Variants in USP20 observed in about 807,000 individuals in gnomAD.
USP20 encodes ubiquitin carboxyl-terminal hydrolase 20.
In USP20, 80 loss-of-function variants were observed where a neutral mutation model predicts 124.2. The ratio of observed to expected loss-of-function variants is 0.64; its 90% CI spans 0.54 to 0.78. The LOEUF (loss-of-function observed/expected upper bound fraction) is 0.78. USP20 is among the 30% of genes least tolerant of loss of function. The pLI is 0.00. For synonymous variants in USP20, 481 were observed against 512.3 expected (o/e 0.94, Z 0.83); for missense variants, 1,043 against 1,244.4 (o/e 0.84, Z 2.44).
At chr9:129,853,139 G>A (rs1264305108) in intron 3 of USP20, among the ~76,000 whole-genome samples, 3 of 151,606 alleles carry the variant, frequency 2.0e-5, no homozygotes, top group Non-Finnish European at 4.4e-5. Context: ...TCACCCCTGT[G>A]CCCACCCTCC....
intron 9 of USP20, among the ~76,000 whole-genome samples, chr9:129,864,120 A>G (rs1441367547): frequency 6.6e-6 from 1 of 151,556 alleles, no homozygotes; most frequent in Admixed American, 6.6e-5. Context: ...AAAAAAAACA[A>G]AAACAAAACA....
At position 129,880,850 on chromosome 9, in the gene USP20, G is replaced by A. The variant is rs2034610218; in HGVS notation, c.*400G>A. On this transcript the variant is annotated 3_prime_UTR_variant, in exon 26 of 26. Coordinates refer to ENST00000372429, the MANE Select transcript of USP20 (RefSeq NM_001110303.4). ...ATTGGCCCGGAGCCCCGAAGACTCG[G>A]AGGGAGCTGCTCAGGGCCGGTGAGC... The A allele has an allele frequency of 6.5e-6, 1 of 154,402 alleles. No individual in the cohort carries two copies. Among genetic ancestry groups the A allele is most frequent in the Non-Finnish European group, 1.4e-5 (1 of 69,222 alleles). 9.6% of individuals were successfully genotyped at this position (154,402 alleles called of 1,614,324 possible).
chr9:129,862,128 T>A lies in USP20; in HGVS notation c.497+516T>A, dbSNP rs2033578265. Among the ~76,000 whole-genome samples, 3 of 33,828 alleles carry A rather than the reference T, an allele frequency of 8.9e-5. No homozygotes were observed. The South Asian group carries it at 4.4e-3, about 50-fold the overall frequency. 22.2% of individuals were successfully genotyped at this position (33,828 alleles called of 152,430 possible). On this transcript the variant is annotated intron_variant, in intron 8 of 25. Transcript: ENST00000372429. ...TCTCCTACCCAGTGGAGGTTAGAGA[T>A]GCAGTATATGTATGCGGGAAGCAGA...
At chr9:129,852,688 T>A (rs982034167) in intron 3 of USP20, 52 bp downstream of exon 3, 30 of 1,516,234 alleles carry the variant, frequency 2.0e-5, no homozygotes, top group African/African-American at 4.1e-5. Flanking sequence ...GCTGCCTCTT[T>A]CCTGGGGTGT....
intron 8 of USP20, among the ~76,000 whole-genome samples, chr9:129,862,110 C>T (rs1327233577): frequency 7.9e-6 from 1 of 125,812 alleles, no homozygotes; most frequent in African/African-American, 2.9e-5. Context: ...GCTTCTCCTA[C>T]CCAGTGGAGG....
At chr9:129,863,811 G>A (rs915456779) in intron 9 of USP20, among the ~76,000 whole-genome samples, 1 of 152,242 alleles carries the variant, frequency 6.6e-6, no homozygotes, top group African/African-American at 2.4e-5. Flanking sequence ...AGAAGCGGAT[G>A]AAAAACCAGC....
chr9:129,854,421 GT>G (rs1187629841), intron 3 of USP20, among the ~76,000 whole-genome samples: 1 of 152,150 alleles, frequency 6.6e-6, no homozygotes, highest in African/African-American at 2.4e-5. Flanking sequence ...GAGGAATGAA[GT>G]CTTCATGTAC....
intron 10 of USP20, among the ~76,000 whole-genome samples, chr9:129,865,675 G>T (rs1458167802): frequency 1.3e-5 from 2 of 152,082 alleles, no homozygotes; most frequent in Admixed American, 1.3e-4. Context: ...TTTTTGTGGG[G>T]GAGGGTGGGT....
intron 9 of USP20, among the ~76,000 whole-genome samples, chr9:129,864,394 GA>G (rs1188909489): frequency 6.7e-6 from 1 of 149,852 alleles, no homozygotes; most frequent in Non-Finnish European, 1.5e-5. Context: ...TTGAGTCCAG[GA>G]AGTTGAGGCA....
intron 5 of USP20, 125 bp from the exon 6 acceptor site, chr9:129,858,342 G>C (rs976008762): frequency 1.4e-6 from 2 of 1,447,158 alleles, no homozygotes; most frequent in East Asian, 2.3e-5. Context: ...AGCAAAATTT[G>C]AGCTTCCGGC....
At chr9:129,870,650 A>C in intron 15 of USP20, 103 bp downstream of exon 15, 2 of 1,302,386 alleles carry the variant, frequency 1.5e-6, no homozygotes, top group Non-Finnish European at 2.1e-6. Flanking sequence ...TGTGGGATGC[A>C]CAGCCAGGCT....
chr9:129,850,796 T>C (rs79110469), intron 2 of USP20, among the ~76,000 whole-genome samples: 4 of 151,990 alleles, frequency 2.6e-5, no homozygotes, highest in African/African-American at 9.7e-5. Flanking sequence ...GCTGGGATTA[T>C]AGGCTTGTGC....
In USP20 at chr9:129,861,044, C is replaced by T. The variant is rs772698676; in HGVS notation, c.427+11C>T. ...ACCTGAAACCTCGAGGTAATGGCCC[C>T]CACAGCAGGGGAAGCTGATGGGCTG... On this transcript the variant is annotated intron_variant, in intron 7 of 25. Coordinates refer to ENST00000372429, the MANE Select transcript of USP20 (RefSeq NM_001110303.4). 6.2e-7 allele frequency: 1 copy of T among 1,612,788 alleles called. No individual in the cohort carries two copies. Among genetic ancestry groups the T allele is most frequent in the Non-Finnish European group, 8.5e-7 (1 of 1,178,834 alleles).
chr9:129,843,933 A>G (rs750564243), intron 1 of USP20, among the ~76,000 whole-genome samples: 11 of 151,888 alleles, frequency 7.2e-5, no homozygotes, highest in Non-Finnish European at 1.3e-4. Context: ...CAGGCTTGGT[A>G]GTGCATGCCT....
At position 129,839,502 on chromosome 9, in the gene USP20, G is replaced by A. The variant is rs990853221; in HGVS notation, c.-129+4003G>A. On this transcript the variant is annotated intron_variant, in intron 1 of 25. Coordinates refer to ENST00000372429, the MANE Select transcript of USP20 (RefSeq NM_001110303.4). The surrounding 1 kb of genome is among the most constrained non-coding windows in gnomAD (Gnocchi z 4.5). ...GAGGACTGGGTTAAGGGAAGGGGTG[G>A]GTGTGTCTGGGACTTAGGGAGAATG... Among the ~76,000 whole-genome samples the A allele has an allele frequency of 2.0e-5, 3 of 152,080 alleles. No homozygotes were observed. Among genetic ancestry groups the A allele is most frequent in the African/African-American group, 7.3e-5 (3 of 41,374 alleles).
Position 129,880,213 on chromosome 9 carries a change from G to A in USP20, c.2685G>A (p.Pro895=), listed in dbSNP as rs374522413. ...CCATCCGCCAGAGTGTGGCGCAGCC[G>A]CTGGGCCCAGAGAACCTGCACGGGG... The part of the protein sequence containing the change: ...EIAIRQSVAQ[P]LGPENLHGEQ... Residue 895 remains proline, a synonymous_variant, in exon 25 of 26, where the codon CCG becomes CCA. Transcript: ENST00000372429. The A allele has an allele frequency of 3.4e-5, 55 of 1,613,412 alleles. No homozygotes were observed. Among genetic ancestry groups the A allele is most frequent in the African/African-American group, 2.9e-4 (22 of 75,054 alleles).
chr9:129,876,869 G>C (rs968756252), intron 22 of USP20, among the ~76,000 whole-genome samples: 4 of 152,102 alleles, frequency 2.6e-5, no homozygotes, highest in African/African-American at 9.7e-5. Context: ...TGCATTGTAG[G>C]ATGTTTAGCA....
At chr9:129,854,634 A>G (rs906339793) in intron 3 of USP20, among the ~76,000 whole-genome samples, 1 of 83,496 alleles carries the variant, frequency 1.2e-5, no homozygotes, top group African/African-American at 3.9e-5. Context: ...TATAAATCAA[A>G]TAACTGAAAT....
chr9:129,878,278 C>A, intron 22 of USP20, 60 bp from the exon 23 acceptor site: 1 of 1,396,422 alleles, frequency 7.2e-7, no homozygotes, highest in Non-Finnish European at 9.9e-7. Context: ...GAAATCCTTG[C>A]TGAAGGTAAA....
Sources: gnomAD v4.1 joint callset for allele counts (sites outside exome capture counted in the v4.1 genomes callset) on GRCh38, gnomAD v4.1.1 for gene constraint, Gnocchi (gnomAD v3.1) non-coding constraint, MANE v1.5 for transcripts, NCBI Gene and HGNC (gene_info 2026-07-23, HGNC 2026-07-21) for gene names.